The following ANKUB1 variants were observed in gnomAD, a reference collection of about 807,000 sequenced individuals.
ANKUB1 encodes the protein protein ANKUB1.
ANKUB1 carries 42 observed loss-of-function variants against 49.3 expected under a neutral mutation model. The observed-to-expected ratio is 0.85, with a 90% CI of 0.67 to 1.10. ANKUB1 has a LOEUF of 1.10. ANKUB1 is among the 50% of genes least tolerant of loss of function. The pLI is 0.00. For synonymous variants in ANKUB1, 222 were observed against 231.0 expected (o/e 0.96, Z 0.35); for missense variants, 613 against 642.0 (o/e 0.95, Z 0.49).
At chr3:149,790,614 C>A (rs911917071) in intron 2 of ANKUB1, among the ~76,000 whole-genome samples, 167 bp downstream of exon 2, 1 of 152,084 alleles carries the variant, frequency 6.6e-6, no homozygotes, top group African/African-American at 2.4e-5. Flanking sequence ...TCTTACTTCC[C>A]CTTACAGCAC....
In ANKUB1 at chr3:149,767,425, C is replaced by T; in HGVS notation, c.1237G>A (p.Ala413Thr). The change falls in exon 5 of 6, where the codon GCA becomes ACA. Residue 413 changes from alanine (A) to threonine (T), a missense_variant. Transcript: ENST00000446160. ...TTTTGTAATTCAGAGAATGAACTTG[C>T]ATTCACCAGTGGATGAAATTTGAGG... is the stretch of plus-strand genomic sequence containing the variant. ...QALKFHPLVNASSFSELQKHQ... is the reference protein window; with the variant it reads ...QALKFHPLVNTSSFSELQKHQ... 6.4e-7 allele frequency: 1 copy of T among 1,551,710 alleles called. No individual in the cohort carries two copies. The highest frequency in any genetic ancestry group is 1.7e-4 in the Middle Eastern group (1 of 5,992).
intron 5 of ANKUB1, 61 bp downstream of exon 5, chr3:149,767,096 C>T (rs1559861558): frequency 7.1e-7 from 1 of 1,410,486 alleles, no homozygotes; most frequent in Non-Finnish European, 9.5e-7. Flanking sequence ...TGGACCATTC[C>T]TTATCCTGGA....
At chr3:149,787,969 T>G (rs1339938760) in intron 2 of ANKUB1, among the ~76,000 whole-genome samples, 1 of 152,206 alleles carries the variant, frequency 6.6e-6, no homozygotes. Flanking sequence ...GGGTTCACAT[T>G]ATGATATTTC....
At chr3:149,780,509 A>C in intron 2 of ANKUB1, 54 bp from the exon 3 acceptor site, 1 of 1,387,142 alleles carries the variant, frequency 7.2e-7, no homozygotes. Flanking sequence ...GATGAGGGCC[A>C]AGCATTTCAG....
chr3:149,765,306 C>T (rs1241203593), intron 5 of ANKUB1, among the ~76,000 whole-genome samples: 4 of 151,934 alleles, frequency 2.6e-5, no homozygotes, highest in East Asian at 1.9e-4. Context: ...TAGTTACATC[C>T]GGGAAGGATC....
rs747326271 is a variant in ANKUB1 at position 149,792,352 on chromosome 3, G to A, written c.15C>T (p.Ile5=). Residue 5 remains isoleucine, a synonymous_variant, in exon 1 of 6, where the codon ATC becomes ATT. Transcript: ENST00000446160. MRIF[I]AFEGSFEPFD... ...ACGGTTCAAAAGATCCTTCAAAGGC[G>A]ATGAAAATCCTCATTGTACAATTAC... is the stretch of plus-strand genomic sequence containing the variant. 231 of 1,511,492 alleles carry A rather than the reference G, an allele frequency of 1.5e-4. No individual in the cohort carries two copies. Among genetic ancestry groups the A allele is most frequent in the Non-Finnish European group, 1.9e-4 (214 of 1,125,788 alleles). The allele number at this position is 1,511,492 out of a possible 1,614,324, so 93.6% of individuals were successfully genotyped here.
Position 149,780,425 on chromosome 3 carries a change from T to C in ANKUB1, c.265A>G (p.Asn89Asp). Residue 89 changes from asparagine (N) to aspartate (D), a missense_variant, in exon 3 of 6, where the codon AAT becomes GAT. By Grantham distance (23) the Asn-to-Asp change is conservative. Transcript: ENST00000446160. ...GGCATTGTGTCTTGAGTTACAGCAT[T>C]GAACACGTATAGAGTAGGCTTGTCT... ...EEDKPTLYVFNAVTQDTMPVM... is the reference protein window; with the variant it reads ...EEDKPTLYVFDAVTQDTMPVM... The C allele has an allele frequency of 6.4e-7, 1 of 1,552,120 alleles. No individual in the cohort carries two copies. The highest frequency in any genetic ancestry group is 8.7e-7 in the Non-Finnish European group (1 of 1,146,976).
At chr3:149,784,595 C>T (rs1287396715) in intron 2 of ANKUB1, among the ~76,000 whole-genome samples, 1 of 152,182 alleles carries the variant, frequency 6.6e-6, no homozygotes, top group Non-Finnish European at 1.5e-5. Flanking sequence ...TTTCTGGCTG[C>T]ATAATCTCTA....
chr3:149,772,024 CTTT>C (rs398062912), intron 3 of ANKUB1, among the ~76,000 whole-genome samples: 7 of 133,190 alleles, frequency 5.3e-5, no homozygotes, highest in African/African-American at 5.6e-5. Context: ...TCCATCCTTC[CTTT>C]TTTTTTTTTT....
intron 5 of ANKUB1, among the ~76,000 whole-genome samples, chr3:149,762,755 A>G (rs1716833611): frequency 6.6e-6 from 1 of 152,246 alleles, no homozygotes; most frequent in African/African-American, 2.4e-5. Context: ...GGAAGGGGGA[A>G]TAAGAAGCAA....
At chr3:149,780,843 A>T (rs1402357653) in intron 2 of ANKUB1, among the ~76,000 whole-genome samples, 11 of 151,788 alleles carry the variant, frequency 7.2e-5, no homozygotes, top group African/African-American at 1.7e-4. Flanking sequence ...AATTATTATT[A>T]TTTTTTTTCT....
chr3:149,783,765 T>C (rs1405164040), intron 2 of ANKUB1: 2 of 152,202 alleles, frequency 1.3e-5, no homozygotes, highest in Non-Finnish European at 2.9e-5. Flanking sequence ...TGAATTCCAG[T>C]GAGATGTCTC....
chr3:149,765,453 T>C (rs1041969733), intron 5 of ANKUB1, among the ~76,000 whole-genome samples: 105 of 152,228 alleles, frequency 6.9e-4, no homozygotes, highest in African/African-American at 2.5e-3. Context: ...TGGATTTTAC[T>C]ATATATTTCA....
At chr3:149,761,701 T>A in intron 5 of ANKUB1, 88 bp from the exon 6 acceptor site, 4 of 1,420,230 alleles carry the variant, frequency 2.8e-6, no homozygotes, top group Non-Finnish European at 2.8e-6. Context: ...CAGGTTGATT[T>A]TGTAGCTAGG....
At position 149,767,264 on chromosome 3, in the gene ANKUB1, A is replaced by G. The variant is rs923891973; in HGVS notation, c.1398T>C (p.Tyr466=). The G allele has an allele frequency of 7.1e-6, 11 of 1,551,718 alleles. No homozygotes were observed. Among genetic ancestry groups the G allele is most frequent in the Non-Finnish European group, 9.6e-6 (11 of 1,146,980 alleles). Residue 466 remains tyrosine (Y), a synonymous_variant, in exon 5 of 6, where the codon TAT becomes TAC. Transcript: ENST00000446160. The stretch of plus-strand genomic sequence containing the variant: ...GTAAAAAGTCAGCACTGGGTGTTGC[A>G]TAGAAAAACGATGGATGTGAATATC... The part of the protein sequence containing the change: ...RVGYSHPSFF[Y]ATPSADFLLK...
At chr3:149,782,608 A>G (rs1430619882) in intron 2 of ANKUB1, among the ~76,000 whole-genome samples, 3 of 152,120 alleles carry the variant, frequency 2.0e-5, no homozygotes, top group Non-Finnish European at 4.4e-5. Context: ...GTACAGTGGC[A>G]CTATCAGAGC....
chr3:149,777,048 C>G (rs1268690412), intron 3 of ANKUB1, among the ~76,000 whole-genome samples: 2 of 152,102 alleles, frequency 1.3e-5, no homozygotes, highest in African/African-American at 4.8e-5. Context: ...TTTGTCTCTT[C>G]CACTGCTAAT....
Position 149,790,779 on chromosome 3 carries a change from A to G in ANKUB1, c.234+2T>C, listed in dbSNP as rs1003181600. The G allele has an allele frequency of 6.5e-7, 1 of 1,549,782 alleles. No individual in the cohort carries two copies. The highest frequency in any genetic ancestry group is 1.4e-5 in the African/African-American group (1 of 72,984). On this transcript the variant is annotated splice_donor_variant, in intron 2 of 5. Coordinates refer to ENST00000446160, the MANE Select transcript of ANKUB1 (RefSeq NM_001144960.3). LOFTEE classifies it high-confidence loss of function. The stretch of plus-strand genomic sequence containing the variant: ...AGACGAATATTATCCTGACCATCAT[A>G]CCTTAACAAAGCATTTGAGAGTTGA...
At chr3:149,785,209 G>A (rs991169606) in intron 2 of ANKUB1, among the ~76,000 whole-genome samples, 7 of 152,184 alleles carry the variant, frequency 4.6e-5, no homozygotes, top group Non-Finnish European at 5.9e-5. Context: ...TATGGCTTCC[G>A]TAAGAGTTCT....
Sources: gnomAD v4.1 joint callset for allele counts (sites outside exome capture counted in the v4.1 genomes callset) on GRCh38, gnomAD v4.1.1 for gene constraint, MANE v1.5 for transcripts, NCBI Gene and HGNC (gene_info 2026-07-23, HGNC 2026-07-21) for gene names.